Variants in SPATA13 observed in about 807,000 individuals in gnomAD.
SPATA13 encodes the protein spermatogenesis-associated protein 13.
A neutral mutation model predicts 104.0 loss-of-function variants in SPATA13; 50 were observed. The observed-to-expected ratio is 0.48, with a 90% CI of 0.38 to 0.61. The LOEUF is 0.61. Among genes scored for constraint, SPATA13 ranks in the 20% least tolerant of loss-of-function variants. The pLI is 0.00. For synonymous variants in SPATA13, 606 were observed against 667.5 expected (o/e 0.91, Z 1.42); for missense variants, 1,524 against 1,690.6 (o/e 0.90, Z 1.73).
At chr13:24,250,466 G>T (rs1873418565) in intron 3 of SPATA13, among the ~76,000 whole-genome samples, 1 of 152,168 alleles carries the variant, frequency 6.6e-6, no homozygotes, top group Non-Finnish European at 1.5e-5. Context: ...TCTTGGAGAA[G>T]TGTATACTTA....
intron 3 of SPATA13, chr13:24,017,718 G>T: frequency 1.0e-6 from 1 of 985,158 alleles, no homozygotes. Context: ...AGGGCCTCGA[G>T]TCCGTTCTTC....
At chr13:24,040,458 C>A (rs1382089719) in intron 3 of SPATA13, among the ~76,000 whole-genome samples, 1 of 152,102 alleles carries the variant, frequency 6.6e-6, no homozygotes, top group Non-Finnish European at 1.5e-5. Context: ...CAGCACCGCC[C>A]TTGACAGGAA....
intron 3 of SPATA13, among the ~76,000 whole-genome samples, chr13:24,018,721 C>T (rs796920111): frequency 3.9e-5 from 6 of 152,256 alleles, no homozygotes; most frequent in African/African-American, 1.4e-4. Flanking sequence ...GCTATTTGTC[C>T]TGTGTTTTAC....
In SPATA13 at chr13:24,245,025, T is replaced by G. The variant is rs531277287; in HGVS notation, c.1654-4452T>G. ...CTAGGGCAGAGCTCTGGCATGGCCG[T>G]GGGAGAGGGCAGGTCTCTATGATGG... is the stretch of plus-strand genomic sequence containing the variant. On this transcript the variant is annotated intron_variant, in intron 2 of 12. Transcript: ENST00000382108. Among the ~76,000 whole-genome samples, 291 of 152,278 alleles carry G rather than the reference T, an allele frequency of 1.9e-3. 1 individual carries two copies. The highest frequency in any genetic ancestry group is 6.7e-3 in the African/African-American group (278 of 41,550).
At chr13:24,204,140 G>A (rs1197151447) in intron 1 of SPATA13, among the ~76,000 whole-genome samples, 1 of 152,166 alleles carries the variant, frequency 6.6e-6, no homozygotes, top group Non-Finnish European at 1.5e-5. Flanking sequence ...GGTTCTTATT[G>A]CATGTACTCA....
At chr13:24,275,283 A>G (rs12870966) in intron 4 of SPATA13, among the ~76,000 whole-genome samples, 68,624 of 152,022 alleles carry the variant, frequency 0.45, 15,765 homozygotes, top group East Asian at 0.56. Context: ...GGAAGGACCA[A>G]TGCAGCCCCA....
intron 11 of SPATA13, among the ~76,000 whole-genome samples, chr13:24,298,744 C>T (rs1252269441): frequency 2.0e-5 from 3 of 152,194 alleles, no homozygotes; most frequent in East Asian, 1.9e-4. Flanking sequence ...TTTCTGTCCT[C>T]CCCAGCCACT....
chr13:23,980,792 A>T (rs1874856315), intron 1 of SPATA13, among the ~76,000 whole-genome samples: 1 of 152,138 alleles, frequency 6.6e-6, no homozygotes, highest in South Asian at 2.1e-4. Context: ...GGGTTTCACC[A>T]TAATGGCCAG....
intron 1 of SPATA13, among the ~76,000 whole-genome samples, chr13:24,209,049 C>T (rs7331042): frequency 0.32 from 49,031 of 152,054 alleles, 9,541 homozygotes; most frequent in East Asian, 0.63. Context: ...CTGTGGCTTC[C>T]TGGTTCCTGC....
At chr13:23,983,645 GT>G (rs71898296) in intron 1 of SPATA13, 94,473 of 146,462 alleles carry the variant, frequency 0.65, 30,569 homozygotes, top group Non-Finnish European at 0.73. Flanking sequence ...TCTGTTGGTT[GT>G]TTTTTTTTTT....
chr13:24,146,910 T>C (rs1881951895), intron 3 of SPATA13, among the ~76,000 whole-genome samples: 1 of 151,774 alleles, frequency 6.6e-6, no homozygotes, highest in African/African-American at 2.4e-5. Context: ...TCCAGTCTTT[T>C]AAAAAATCTC....
intron 2 of SPATA13, among the ~76,000 whole-genome samples, chr13:24,227,095 A>G (rs1053400702): frequency 6.6e-6 from 1 of 152,196 alleles, no homozygotes. Context: ...TGTTTGTACA[A>G]CTGACCAAAC....
intron 2 of SPATA13, among the ~76,000 whole-genome samples, chr13:24,003,174 T>G (rs561982519): frequency 1.5e-4 from 22 of 151,076 alleles, no homozygotes; most frequent in Middle Eastern, 3.4e-3. Context: ...AATGCAGGGG[T>G]GTGTGTGTGT....
intron 9 of SPATA13, 31 bp downstream of exon 9, chr13:24,290,915 G>A: frequency 6.4e-7 from 1 of 1,565,616 alleles, no homozygotes; most frequent in South Asian, 1.1e-5. Flanking sequence ...GCACAGGTGA[G>A]AGCACTGCTG....
intron 1 of SPATA13, among the ~76,000 whole-genome samples, chr13:24,168,371 C>G (rs1882830458): frequency 6.6e-6 from 1 of 152,182 alleles, no homozygotes; most frequent in Non-Finnish European, 1.5e-5. Context: ...ATGATTTGCT[C>G]TCTTTCTGTG....
At chr13:24,210,103 T>C (rs1208939762) in intron 1 of SPATA13, among the ~76,000 whole-genome samples, 5 of 152,216 alleles carry the variant, frequency 3.3e-5, no homozygotes, top group South Asian at 2.1e-4. Flanking sequence ...CATTTTGTGA[T>C]TGAGTTATTT....
intron 3 of SPATA13, among the ~76,000 whole-genome samples, chr13:24,126,105 T>G (rs1881206540): frequency 6.6e-6 from 1 of 152,122 alleles, no homozygotes. Context: ...TGAGAAAGCA[T>G]CTTCCTCCAC....
chr13:24,217,035 G>C (rs1871290175), intron 1 of SPATA13, among the ~76,000 whole-genome samples: 1 of 152,090 alleles, frequency 6.6e-6, no homozygotes, highest in African/African-American at 2.4e-5. Flanking sequence ...CTGGATGACA[G>C]AGCAAGACTC....
At chr13:24,092,536 A>G (rs1879941914) in intron 3 of SPATA13, among the ~76,000 whole-genome samples, 2 of 152,228 alleles carry the variant, frequency 1.3e-5, no homozygotes, top group African/African-American at 4.8e-5. Flanking sequence ...AATTAAGAGT[A>G]AGAGTTTATA....
Sources: gnomAD v4.1 joint callset for allele counts (sites outside exome capture counted in the v4.1 genomes callset) on GRCh38, gnomAD v4.1.1 for gene constraint, MANE v1.5 for transcripts, NCBI Gene and HGNC (gene_info 2026-07-23, HGNC 2026-07-21) for gene names.